The following FRMPD4 variants were observed in gnomAD, a reference collection of about 807,000 sequenced individuals.
FRMPD4 encodes FERM and PDZ domain-containing protein 4.
In FRMPD4, 22 loss-of-function variants were observed where a neutral mutation model predicts 94.1. The ratio of observed to expected loss-of-function variants is 0.23; its 90% CI spans 0.17 to 0.33. The LOEUF (loss-of-function observed/expected upper bound fraction) is 0.33. FRMPD4 is among the 10% of genes least tolerant of loss of function. FRMPD4 has a pLI of 1.00. For synonymous variants in FRMPD4, 631 were observed against 548.6 expected, an observed-to-expected ratio of 1.15 and a Z score of -2.10; for missense variants, 1,111 against 1,339.9, an observed-to-expected ratio of 0.83 and a Z score of 2.67.
At chrX:11,827,085 T>TATAAAA (rs1481976089) in intron 1 of FRMPD4, among the ~76,000 whole-genome samples, 27 of 97,515 alleles carry the variant, frequency 2.8e-4, no homozygotes, top group African/African-American at 9.9e-4. Flanking sequence ...TATATATATA[T>TATAAAA]AAAATATATA....
intron 1 of FRMPD4, among the ~76,000 whole-genome samples, chrX:12,318,564 G>A (rs1391474308): frequency 9.0e-6 from 1 of 111,458 alleles, no homozygotes; most frequent in Non-Finnish European, 1.9e-5. Context: ...ATATGTGGAA[G>A]CTAAGAAAAT....
chrX:12,662,541 T>C (rs760973655), intron 4 of FRMPD4, among the ~76,000 whole-genome samples: 1 of 112,431 alleles, frequency 8.9e-6, no homozygotes, highest in East Asian at 2.8e-4. Flanking sequence ...TCATCCTTTT[T>C]TATGGCTGCA....
At chrX:12,683,711 G>A (rs2059994740) in intron 6 of FRMPD4, 124 bp downstream of exon 6, 1 of 438,008 alleles carries the variant, frequency 2.3e-6, no homozygotes, top group East Asian at 3.9e-5. Flanking sequence ...GGTTTTTACA[G>A]AGGTGTCAAA....
chrX:12,385,994 A>T (rs2056392816), intron 1 of FRMPD4, among the ~76,000 whole-genome samples: 2 of 112,402 alleles, frequency 1.8e-5, no homozygotes, highest in Non-Finnish European at 3.8e-5. Flanking sequence ...AAATAAGCAG[A>T]ACTCTGCTTT....
intron 1 of FRMPD4, among the ~76,000 whole-genome samples, chrX:12,332,191 T>TAC (rs1491295768): frequency 3.8e-5 from 2 of 52,001 alleles, no homozygotes; most frequent in African/African-American, 1.5e-4. Flanking sequence ...ATTTATATTT[T>TAC]ATATATATAT....
chrX:12,416,404 G>A lies in FRMPD4; in HGVS notation c.42-82276G>A, dbSNP rs188019100. On this transcript the variant is annotated intron_variant, in intron 1 of 16. Transcript: ENST00000675598. ...GTTTCTACTTCCACAGCAGTTGTGG[G>A]AATCCATTGTTACTTTGTTAATTAA... Among the ~76,000 whole-genome samples, 518 of 111,991 alleles carry A rather than the reference G, an allele frequency of 4.6e-3. 4 individuals are homozygous for A. Among genetic ancestry groups the A allele is most frequent in the Non-Finnish European group, 6.8e-3 (362 of 53,093 alleles).
chrX:12,108,305 T>C, intron 3 of FRMPD4, among the ~76,000 whole-genome samples: 1 of 111,467 alleles, frequency 9.0e-6, no homozygotes, highest in East Asian at 2.8e-4. Context: ...AACCCAGAAT[T>C]TCATATCCAG....
intron 16 of FRMPD4, among the ~76,000 whole-genome samples, chrX:12,719,912 C>T (rs1035366724): frequency 9.1e-6 from 1 of 110,019 alleles, no homozygotes; most frequent in Non-Finnish European, 1.9e-5. Flanking sequence ...CCAGGCAAAC[C>T]TCATGCTGAC....
chrX:12,484,924 G>T (rs1418327562), intron 1 of FRMPD4, among the ~76,000 whole-genome samples: 3 of 112,289 alleles, frequency 2.7e-5, no homozygotes, highest in Non-Finnish European at 5.6e-5. Flanking sequence ...TGTGAGGCAG[G>T]TACTTACTAC....
intron 3 of FRMPD4, among the ~76,000 whole-genome samples, chrX:12,082,315 A>G (rs1359939091): frequency 9.0e-6 from 1 of 111,582 alleles, no homozygotes; most frequent in African/African-American, 3.3e-5. Context: ...AATAAGTCTG[A>G]TGAGATCTGA....
intron 3 of FRMPD4, among the ~76,000 whole-genome samples, chrX:12,073,856 T>C (rs1355429086): frequency 9.2e-6 from 1 of 109,013 alleles, no homozygotes; most frequent in African/African-American, 3.3e-5. Flanking sequence ...GGTGTGTACC[T>C]CCATGTCCAA....
chrX:12,344,118 T>A (rs2055663060), intron 1 of FRMPD4, among the ~76,000 whole-genome samples: 1 of 111,845 alleles, frequency 8.9e-6, no homozygotes, highest in African/African-American at 3.3e-5. Flanking sequence ...TTAGTACACA[T>A]CACTGGTGTC....
intron 1 of FRMPD4, among the ~76,000 whole-genome samples, chrX:12,186,695 T>G (rs1454654648): frequency 5.4e-5 from 6 of 112,117 alleles, no homozygotes; most frequent in Admixed American, 9.4e-5. Flanking sequence ...AATATTTCAT[T>G]GAAAGGAAAA....
At chrX:11,890,681 C>T (rs1268960691) in intron 3 of FRMPD4, among the ~76,000 whole-genome samples, 2 of 112,531 alleles carry the variant, frequency 1.8e-5, no homozygotes, top group African/African-American at 3.2e-5. Context: ...ATAATTTACC[C>T]ATGTCACCCA....
chrX:12,370,552 T>A (rs952300383), intron 1 of FRMPD4, among the ~76,000 whole-genome samples: 2 of 112,189 alleles, frequency 1.8e-5, no homozygotes, highest in African/African-American at 6.5e-5. Context: ...GAGCTGCCTG[T>A]AGCCCCAGGG....
intron 1 of FRMPD4, among the ~76,000 whole-genome samples, chrX:12,213,675 C>T (rs115339865): frequency 0.073 from 8,210 of 111,728 alleles, 720 homozygotes; most frequent in African/African-American, 0.25. Flanking sequence ...TAGCTTGCCT[C>T]TCAATGTTAA....
At chrX:11,912,297 C>A (rs1354595163) in intron 3 of FRMPD4, among the ~76,000 whole-genome samples, 1 of 112,280 alleles carries the variant, frequency 8.9e-6, no homozygotes, top group Non-Finnish European at 1.9e-5. Context: ...ATGCTTAACA[C>A]AAGACAAATC....
chrX:12,334,198 A>G (rs2055478833), intron 1 of FRMPD4, among the ~76,000 whole-genome samples: 1 of 112,189 alleles, frequency 8.9e-6, no homozygotes, highest in Non-Finnish European at 1.9e-5. Context: ...ACTTTTGGTC[A>G]TATTTTCTTC....
chrX:12,028,298 ATTGT>A (rs1218533711), intron 3 of FRMPD4, among the ~76,000 whole-genome samples: 1 of 111,498 alleles, frequency 9.0e-6, no homozygotes, highest in Non-Finnish European at 1.9e-5. Context: ...ATGTGTGGGG[ATTGT>A]TTGTTTGTTT....
Sources: gnomAD v4.1 joint callset for allele counts (sites outside exome capture counted in the v4.1 genomes callset) on GRCh38, gnomAD v4.1.1 for gene constraint, MANE v1.5 for transcripts, NCBI Gene and HGNC (gene_info 2026-07-23, HGNC 2026-07-21) for gene names.